CSMD2: variants seen among roughly 807,000 people sequenced by gnomAD.
The protein encoded by CSMD2 is CUB and sushi domain-containing protein 2.
In CSMD2, 130 loss-of-function variants were observed where a neutral mutation model predicts 398.5. That is an observed-to-expected ratio of 0.33 (90% CI 0.28 to 0.38). The LOEUF is 0.38. Ranked by LOEUF, CSMD2 falls within the 10% of genes least tolerant of loss-of-function variation. The pLI is 1.00. For missense variants in CSMD2, 3,829 were observed against 4,764.9 expected (o/e 0.80, Z 5.78); for synonymous variants, 1,828 against 1,908.5 (o/e 0.96, Z 1.10).
chr1:33,766,985 C>T lies in CSMD2; in HGVS notation c.1846+5584G>A, dbSNP rs76664495. ...GTCATAAAAATACTCATGTCCTGATCGGATAATGTCAATTCTAGAAATTTA... is the reference window on the plus strand; with the variant it reads ...GTCATAAAAATACTCATGTCCTGATTGGATAATGTCAATTCTAGAAATTTA... On this transcript the variant is annotated intron_variant, in intron 13 of 70. Transcript: ENST00000373381. Among the ~76,000 whole-genome samples the T allele has an allele frequency of 3.5e-3, 532 of 152,230 alleles. 6 individuals carry two copies. The highest frequency in any genetic ancestry group is 0.012 in the African/African-American group (504 of 41,538).
chr1:34,079,972 T>A (rs945635919), intron 2 of CSMD2, among the ~76,000 whole-genome samples: 5 of 151,994 alleles, frequency 3.3e-5, no homozygotes, highest in South Asian at 2.1e-4. Flanking sequence ...CAGGATTTTT[T>A]AAAAATTTAA....
chr1:33,727,869 G>A lies in CSMD2; in HGVS notation c.2369-1184C>T, dbSNP rs116210301. ...AGCACACCTCCCCAAGGCTGATGAT[G>A]AGGATGATGATGACATCCACTATTA... On this transcript the variant is annotated intron_variant, in intron 15 of 70. Coordinates refer to ENST00000373381, the MANE Select transcript of CSMD2 (RefSeq NM_001281956.2). Among the ~76,000 whole-genome samples, 965 of 152,204 alleles carry A rather than the reference G, an allele frequency of 6.3e-3. 5 individuals carry two copies. Among genetic ancestry groups the A allele is most frequent in the Non-Finnish European group, 0.01 (684 of 68,004 alleles).
chr1:34,132,264 G>C (rs957072659), intron 1 of CSMD2, among the ~76,000 whole-genome samples: 11 of 151,956 alleles, frequency 7.2e-5, no homozygotes, highest in African/African-American at 2.7e-4. Flanking sequence ...CCCTTAGTCA[G>C]CTTTCCCTTC....
At chr1:33,961,168 G>T (rs1645345988) in intron 3 of CSMD2, among the ~76,000 whole-genome samples, 1 of 152,252 alleles carries the variant, frequency 6.6e-6, no homozygotes, top group Admixed American at 6.5e-5. Context: ...CTCCCTGCCT[G>T]GTCTCACCAT....
intron 10 of CSMD2, among the ~76,000 whole-genome samples, chr1:33,806,749 G>A (rs574449321): frequency 3.3e-5 from 5 of 152,294 alleles, no homozygotes; most frequent in Non-Finnish European, 7.4e-5. Context: ...GCTTCATAAA[G>A]TGCAGACTAC....
intron 3 of CSMD2, among the ~76,000 whole-genome samples, chr1:33,971,253 C>A (rs1244856409): frequency 1.3e-5 from 2 of 152,234 alleles, no homozygotes; most frequent in African/African-American, 4.8e-5. Context: ...TGAGGCCCCA[C>A]CTGGGCCACA....
At chr1:34,071,368 C>A (rs1292749202) in intron 2 of CSMD2, among the ~76,000 whole-genome samples, 1 of 152,200 alleles carries the variant, frequency 6.6e-6, no homozygotes, top group African/African-American at 2.4e-5. Context: ...AGCTGCAGCT[C>A]CTGGGGCAAC....
intron 7 of CSMD2, among the ~76,000 whole-genome samples, chr1:33,821,480 C>T (rs1254132061): frequency 3.9e-5 from 6 of 152,204 alleles, no homozygotes; most frequent in Non-Finnish European, 8.8e-5. Context: ...CCTCACCAAT[C>T]CCATGACCCC....
intron 27 of CSMD2, among the ~76,000 whole-genome samples, chr1:33,653,731 T>G (rs2148972860): frequency 6.6e-6 from 1 of 152,046 alleles, no homozygotes; most frequent in Non-Finnish European, 1.5e-5. Flanking sequence ...GAGTAAGAGC[T>G]GGGAAGCGTG....
chr1:33,864,582 T>A (rs778586306), intron 5 of CSMD2: 1 of 1,613,874 alleles, frequency 6.2e-7, no homozygotes. Flanking sequence ...AGGGAAGATG[T>A]GGTCAACAGC....
At position 33,626,727 on chromosome 1, in the gene CSMD2, C is replaced by T. The variant is rs577268101; in HGVS notation, c.5201-146G>A. The T allele has an allele frequency of 4.2e-4, 244 of 586,820 alleles. 1 individual carries two copies. In the Middle Eastern group the frequency reaches 6.9e-3, roughly 17 times the overall value. The allele number at this position is 586,820 out of a possible 1,614,324, so 36.4% of individuals were successfully genotyped here. On this transcript the variant is annotated intron_variant, in intron 32 of 70. Transcript: ENST00000373381. ...CAGGCCTTCCTGAAATAAAATCTCACGTATTTTTACTGCACTTTACAATTT... is the reference window on the plus strand; with the variant it reads ...CAGGCCTTCCTGAAATAAAATCTCATGTATTTTTACTGCACTTTACAATTT...
intron 1 of CSMD2, among the ~76,000 whole-genome samples, chr1:34,129,856 C>A (rs1030748040): frequency 5.3e-5 from 8 of 152,160 alleles, no homozygotes; most frequent in Non-Finnish European, 1.0e-4. Flanking sequence ...ACTGAATTCA[C>A]AGTCCCTTCT....
At chr1:34,058,269 A>G (rs7340067) in intron 2 of CSMD2, among the ~76,000 whole-genome samples, 47,005 of 151,914 alleles carry the variant, frequency 0.31, 7,951 homozygotes, top group African/African-American at 0.43. Context: ...CCTTGTTTCC[A>G]CACCTGCAAA....
At chr1:33,828,598 T>A (rs984555216) in intron 6 of CSMD2, among the ~76,000 whole-genome samples, 2 of 152,024 alleles carry the variant, frequency 1.3e-5, no homozygotes, top group Non-Finnish European at 2.9e-5. Flanking sequence ...GCTGCTTGGA[T>A]TTTCCATGTA....
intron 4 of CSMD2, among the ~76,000 whole-genome samples, chr1:33,926,503 C>T (rs1463725049): frequency 3.9e-5 from 6 of 152,202 alleles, no homozygotes; most frequent in Non-Finnish European, 7.3e-5. Context: ...TTTAGCCATC[C>T]CTGCCTCTTG....
chr1:34,128,579 G>C (rs1662990368), intron 1 of CSMD2, among the ~76,000 whole-genome samples: 1 of 152,218 alleles, frequency 6.6e-6, no homozygotes, highest in Admixed American at 6.5e-5. Context: ...GCTGAGCACA[G>C]AGCACCAGGC....
At chr1:33,608,453 C>T (rs1295788515) in intron 41 of CSMD2, among the ~76,000 whole-genome samples, 3 of 152,174 alleles carry the variant, frequency 2.0e-5, no homozygotes, top group Non-Finnish European at 4.4e-5. Context: ...GCACTTGGGC[C>T]TGGGAGGGGT....
intron 1 of CSMD2, among the ~76,000 whole-genome samples, chr1:34,103,567 T>C (rs965071875): frequency 6.6e-6 from 1 of 152,144 alleles, no homozygotes; most frequent in Non-Finnish European, 1.5e-5. Flanking sequence ...AGTGCTGGGA[T>C]TACAGGTGTG....
At chr1:33,684,431 A>G (rs747750401) in intron 25 of CSMD2, among the ~76,000 whole-genome samples, 2 of 152,208 alleles carry the variant, frequency 1.3e-5, no homozygotes, top group Admixed American at 1.3e-4. Context: ...GGGAAAGCAC[A>G]TCGGCAGAGG....
Sources: allele counts gnomAD v4.1 joint callset (sites outside exome capture counted in the v4.1 genomes callset), GRCh38; gene constraint gnomAD v4.1.1; transcripts MANE v1.5; gene names NCBI Gene and HGNC (gene_info 2026-07-23, HGNC 2026-07-21).